The following DNAH7 variants were observed in gnomAD, a reference collection of about 807,000 sequenced individuals.
DNAH7 encodes the protein dynein axonemal heavy chain 7, also known as axonemal beta dynein heavy chain 7.
DNAH7 carries 397 observed loss-of-function variants against 444.6 expected under a neutral mutation model. The ratio of observed to expected loss-of-function variants is 0.89; its 90% CI spans 0.82 to 0.97. The LOEUF is 0.97. DNAH7 is among the 50% of genes least tolerant of loss of function. The probability of loss-of-function intolerance (pLI) is 0.00; values close to 1 mark genes in which losing one functional copy is unlikely to be tolerated. For synonymous variants in DNAH7, 1,636 were observed against 1,624.4 expected, an observed-to-expected ratio of 1.01 and a Z score of -0.17; for missense variants, 4,902 against 4,800.8, an observed-to-expected ratio of 1.02 and a Z score of -0.62.
At chr2:195,740,092 T>G (rs1574340094) in intron 64 of DNAH7, among the ~76,000 whole-genome samples, 1 of 152,174 alleles carries the variant, frequency 6.6e-6, no homozygotes. Flanking sequence ...CAAGCGATTC[T>G]CCTGCCTCAG....
intron 49 of DNAH7, among the ~76,000 whole-genome samples, chr2:195,819,602 G>A (rs1333871123): frequency 6.6e-6 from 1 of 152,154 alleles, no homozygotes; most frequent in Non-Finnish European, 1.5e-5. Context: ...TTTTCATCTA[G>A]TTGAGCAAAC....
At chr2:195,991,285 T>G (rs990388897) in intron 12 of DNAH7, among the ~76,000 whole-genome samples, 1 of 151,286 alleles carries the variant, frequency 6.6e-6, no homozygotes, top group African/African-American at 2.4e-5. Flanking sequence ...AATTCCCACA[T>G]GCTGACAATT....
At chr2:195,922,930 C>T (rs1271410677) in intron 23 of DNAH7, among the ~76,000 whole-genome samples, 2 of 151,834 alleles carry the variant, frequency 1.3e-5, no homozygotes, top group East Asian at 1.9e-4. Flanking sequence ...GGCGCAATCT[C>T]GGCTCACTGC....
chr2:195,954,737 T>G (rs1334571038), intron 19 of DNAH7, among the ~76,000 whole-genome samples: 8 of 152,192 alleles, frequency 5.3e-5, no homozygotes, highest in Non-Finnish European at 1.0e-4. Flanking sequence ...GCATGAGATG[T>G]TATCTCATTG....
rs755914126 is a variant in DNAH7 at position 195,923,822 on chromosome 2, AATAAG to A, written c.3613-20_3613-16del. ...TGCTCAAGAGCCTGAAAGAAAAGAAAATAAGATATGATTTCCCAATGTGATCAAAA... is the reference window on the plus strand; with the variant it reads ...TGCTCAAGAGCCTGAAAGAAAAGAAAATATGATTTCCCAATGTGATCAAAA... On this transcript the variant is annotated splice_polypyrimidine_tract_variant and intron_variant, in intron 22 of 64. Coordinates refer to ENST00000312428, the MANE Select transcript of DNAH7 (RefSeq NM_018897.3). The A allele has an allele frequency of 8.8e-5, 141 of 1,609,546 alleles. No homozygotes were observed. The East Asian group carries it at 1.0e-3, about 12-fold the overall frequency.
rs183265857 is a variant in DNAH7, at chr2:195,795,609, A to G, written c.10515+967T>C. ...TGGCCTGAGAAGAAACTTGAGAAGT[A>G]GGCAAAGGTCAGGTTCTGAAGAGTG... is the stretch of plus-strand genomic sequence containing the variant. On this transcript the variant is annotated intron_variant, in intron 56 of 64. Coordinates refer to ENST00000312428, the MANE Select transcript of DNAH7 (RefSeq NM_018897.3). Among the ~76,000 whole-genome samples, 99 of 152,342 alleles carry G rather than the reference A, an allele frequency of 6.5e-4. No homozygotes were observed. In the Middle Eastern group the frequency reaches 0.014, roughly 21 times the overall value.
At chr2:195,943,357 C>T (rs1320132896) in intron 19 of DNAH7, among the ~76,000 whole-genome samples, 1 of 152,068 alleles carries the variant, frequency 6.6e-6, no homozygotes, top group African/African-American at 2.4e-5. Flanking sequence ...TCTTATTTCC[C>T]TTATAAGGTG....
intron 18 of DNAH7, among the ~76,000 whole-genome samples, chr2:195,958,778 T>C (rs1690873983): frequency 6.6e-6 from 1 of 152,214 alleles, no homozygotes; most frequent in South Asian, 2.1e-4. Flanking sequence ...TCCATTATCA[T>C]GTCAACCCTA....
At chr2:195,745,086 C>T (rs1693310672) in intron 63 of DNAH7, among the ~76,000 whole-genome samples, 4 of 152,040 alleles carry the variant, frequency 2.6e-5, no homozygotes, top group Admixed American at 2.6e-4. Flanking sequence ...AAACCAAAGG[C>T]AAAGAAGTTA....
chr2:195,924,373 CT>C (rs918023465), intron 22 of DNAH7, among the ~76,000 whole-genome samples: 2 of 152,160 alleles, frequency 1.3e-5, no homozygotes, highest in Non-Finnish European at 1.5e-5. Context: ...GGGCAGATCA[CT>C]TGAGGTCAGG....
At chr2:195,810,262 AT>A in intron 51 of DNAH7, among the ~76,000 whole-genome samples, 1 of 152,318 alleles carries the variant, frequency 6.6e-6, no homozygotes, top group East Asian at 1.9e-4. Flanking sequence ...ATAGTCTAAA[AT>A]TAGTAGCTTC....
At position 195,872,447 on chromosome 2, in the gene DNAH7, GA is replaced by G. The variant is rs1395284643; in HGVS notation, c.6435del (p.Leu2146Ter). 1.3e-6 allele frequency: 2 copies of G among 1,589,866 alleles called. No homozygotes were observed. Among genetic ancestry groups the G allele is most frequent in the Non-Finnish European group, 1.7e-6 (2 of 1,168,746 alleles). On this transcript the variant is annotated frameshift_variant, in exon 40 of 65. Transcript: ENST00000312428. LOFTEE classifies it high-confidence loss of function. ...TTTACGATTTGTGTGGTCAAATCTA[GA>G]AATTCATCTGGAAATTTATAACTTA... ...LEICYKFPDE[F>X]LDLTTQIVNG...
chr2:195,941,039 T>A (rs867189870), intron 19 of DNAH7, among the ~76,000 whole-genome samples: 11 of 152,272 alleles, frequency 7.2e-5, no homozygotes, highest in African/African-American at 2.6e-4. Flanking sequence ...CCCAAAGGAT[T>A]ATAAATCATT....
chr2:195,935,861 T>C (rs917789550), intron 20 of DNAH7, among the ~76,000 whole-genome samples: 14 of 152,098 alleles, frequency 9.2e-5, no homozygotes, highest in African/African-American at 3.4e-4. Flanking sequence ...AAGAGAACAG[T>C]ACACTGAGAA....
chr2:195,822,994 T>C (rs1393825235), intron 49 of DNAH7, among the ~76,000 whole-genome samples: 2 of 152,196 alleles, frequency 1.3e-5, no homozygotes, highest in Admixed American at 6.5e-5. Flanking sequence ...CTCTATGAGA[T>C]AGATACTTTT....
Position 195,881,851 on chromosome 2 carries a change from G to C in DNAH7, c.5905C>G (p.Gln1969Glu), listed in dbSNP as rs201839382. The C allele has an allele frequency of 1.2e-6, 2 of 1,614,032 alleles. No individual in the cohort carries two copies. The highest frequency in any genetic ancestry group is 2.7e-5 in the African/African-American group (2 of 75,052). ...GGTCCTACAAATATTGAAGGCTTTT[G>C]ATGGGTGGTCAGCAATTCCATTAAT... ...SALMELLTTH[Q>E]KPSIFVGPTG... is the part of the protein sequence containing the mutation. Residue 1969 changes from glutamine to glutamate, a missense_variant, in exon 36 of 65, where the codon CAA becomes GAA. Transcript: ENST00000312428.
intron 47 of DNAH7, among the ~76,000 whole-genome samples, chr2:195,842,480 AAAG>A (rs1459542044): frequency 6.6e-6 from 1 of 152,292 alleles, no homozygotes; most frequent in East Asian, 1.9e-4. Flanking sequence ...CTGCACAGGT[AAAG>A]AAGATACTTA....
intron 40 of DNAH7, among the ~76,000 whole-genome samples, chr2:195,871,701 G>GAAACTGGTTCA (rs1700702525): frequency 7.6e-6 from 1 of 131,024 alleles, no homozygotes. Context: ...CTACTTAAGG[G>GAAACTGGTTCA]AAGGCGGATC....
chr2:195,861,044 G>A (rs1481588880), intron 42 of DNAH7, among the ~76,000 whole-genome samples: 1 of 151,962 alleles, frequency 6.6e-6, no homozygotes, highest in Non-Finnish European at 1.5e-5. Flanking sequence ...TATAAATAAT[G>A]TATTAAAAAT....
Sources: gnomAD v4.1 joint callset for allele counts (sites outside exome capture counted in the v4.1 genomes callset) on GRCh38, gnomAD v4.1.1 for gene constraint, MANE v1.5 for transcripts, NCBI Gene and HGNC (gene_info 2026-07-23, HGNC 2026-07-21) for gene names.